CHRD: variants seen among roughly 807,000 people sequenced by gnomAD.
CHRD encodes chordin.
Under a neutral mutation model 113.7 loss-of-function variants are expected in CHRD, and 69 were observed. The observed-to-expected ratio is 0.61, with a 90% CI of 0.50 to 0.74. The LOEUF (loss-of-function observed/expected upper bound fraction) is 0.74. Ranked by LOEUF, CHRD falls within the 30% of genes least tolerant of loss-of-function variation. The probability of loss-of-function intolerance (pLI) is 0.00; values close to 1 mark genes in which losing one functional copy is unlikely to be tolerated. For synonymous variants in CHRD, 561 were observed against 540.8 expected (o/e 1.04, Z -0.52); for missense variants, 1,194 against 1,295.8 (o/e 0.92, Z 1.21).
At chr3:184,383,745 G>T in intron 12 of CHRD, 103 bp downstream of exon 12, 7 of 1,074,388 alleles carry the variant, frequency 6.5e-6, no homozygotes, top group Non-Finnish European at 9.2e-6. Context: ...TCACTCATGG[G>T]TTCTCCCACT....
At chr3:184,382,068 C>T (rs765344648) in intron 6 of CHRD, 48 bp downstream of exon 6, 29 of 1,603,738 alleles carry the variant, frequency 1.8e-5, no homozygotes, top group Middle Eastern at 2.0e-4. Flanking sequence ...GGCACTGTGC[C>T]GAGAGCATGC....
At position 184,387,011 on chromosome 3, in the gene CHRD, G is replaced by A; in HGVS notation, c.2291-40G>A. ...CAGGTCCTTTGGGGAGGGAATGAGG[G>A]TGGTCACTCTCTGCTTTCACCATTT... On this transcript the variant is annotated intron_variant, in intron 17 of 22. Transcript: ENST00000204604. The surrounding 1 kb of genome is among the most constrained non-coding windows in gnomAD (Gnocchi z 6.1). The A allele has an allele frequency of 6.2e-7, 1 of 1,613,874 alleles. No homozygotes were observed. The highest frequency in any genetic ancestry group is 8.5e-7 in the Non-Finnish European group (1 of 1,179,734).
rs770243342 is a variant in CHRD, at chr3:184,384,602, C to T, written c.1506C>T (p.Phe502=). The change falls in exon 13 of 23, where the codon TTC becomes TTT. Residue 502 remains phenylalanine (F), a synonymous_variant. Transcript: ENST00000204604. This position sits in a 1 kb window ranked among gnomAD's most constrained non-coding sequence, Gnocchi z 4.4. ...ATATGCTGCTGCAGAATGAGCTCTTCCTGAACGTGGGCACCAAGGACTTCC... is the reference window on the plus strand; with the variant it reads ...ATATGCTGCTGCAGAATGAGCTCTTTCTGAACGTGGGCACCAAGGACTTCC... 1 of 1,609,634 alleles carries T rather than the reference C, an allele frequency of 6.2e-7. No homozygotes were observed. Among genetic ancestry groups the T allele is most frequent in the Non-Finnish European group, 8.5e-7 (1 of 1,177,948 alleles).
At chr3:184,389,504 C>T in exon 23 of CHRD, 3 of 1,300,864 alleles carry the variant, frequency 2.3e-6, no homozygotes, top group Admixed American at 1.9e-5. Flanking sequence ...CTTGCATTCT[C>T]CTGTGGGAAG....
Position 184,388,081 on chromosome 3 carries a change from G to A in CHRD, c.2554+48G>A. On this transcript the variant is annotated intron_variant, in intron 20 of 22. Transcript: ENST00000204604. This position sits in a 1 kb window ranked among gnomAD's most constrained non-coding sequence, Gnocchi z 6.1. ...GAGGCCTCACCTTTGGGTTGAGGCA[G>A]GCTTTGTCCTGGGTGAGGGGAAGGG... 1 of 1,536,482 alleles carries A rather than the reference G, an allele frequency of 6.5e-7. No individual in the cohort carries two copies. Among genetic ancestry groups the A allele is most frequent in the Non-Finnish European group, 8.9e-7 (1 of 1,117,670 alleles).
chr3:184,381,616 G>C lies in CHRD; in HGVS notation c.503G>C (p.Gly168Ala), dbSNP rs766825882. 2.5e-6 allele frequency: 4 copies of C among 1,605,970 alleles called. No individual in the cohort carries two copies. The highest frequency in any genetic ancestry group is 3.4e-6 in the Non-Finnish European group (4 of 1,176,034). ...GCTGAGGAGCGGGCCCGTGGTGACGGCCACACGGGTAGGGGGCTGGCGAAC... is the reference window on the plus strand; with the variant it reads ...GCTGAGGAGCGGGCCCGTGGTGACGCCCACACGGGTAGGGGGCTGGCGAAC... The change falls in exon 4 of 23, where the codon GGC (glycine) becomes GCC (alanine). Residue 168 changes from glycine (G) to alanine (A), a missense_variant. By Grantham distance (60) the Gly-to-Ala change is moderately conservative (BLOSUM62 0). Coordinates refer to ENST00000204604, the Ensembl canonical transcript of CHRD. The surrounding 1 kb of genome is among the most constrained non-coding windows in gnomAD (Gnocchi z 4.7).
exon 11 of CHRD, chr3:184,383,398 A>G: frequency 6.2e-7 from 1 of 1,614,018 alleles, no homozygotes; most frequent in Non-Finnish European, 8.5e-7. Flanking sequence ...GCTGCTAGGA[A>G]ATGGCTCCCT....
chr3:184,386,439 G>T (rs1372352819), intron 15 of CHRD, 53 bp from the exon 16 acceptor site: 7 of 1,525,836 alleles, frequency 4.6e-6, no homozygotes, highest in South Asian at 3.7e-5. Flanking sequence ...GCTGCCGCTG[G>T]TAAAGACGCG....
rs1287471505 is a variant in CHRD, at chr3:184,388,347, C to A, written c.2555-240C>A. ...CCCATTGATGCATCCATCCATGCAT[C>A]CATCCATCCCTCCATCCATCCACCC... On this transcript the variant is annotated intron_variant, in intron 20 of 22. Transcript: ENST00000204604. The surrounding 1 kb of genome is among the most constrained non-coding windows in gnomAD (Gnocchi z 6.1). 6.6e-6 allele frequency among the ~76,000 whole-genome samples: 1 copy of A among 151,556 alleles called. No individual in the cohort carries two copies. The highest frequency in any genetic ancestry group is 1.5e-5 in the Non-Finnish European group (1 of 67,904).
At chr3:184,383,633 A>G (rs143788428) in exon 12 of CHRD, 1 of 1,609,600 alleles carries the variant, frequency 6.2e-7, no homozygotes, top group African/African-American at 1.3e-5. Flanking sequence ...TCCAGCCAGG[A>G]GGACACACGG....
At chr3:184,389,543 T>C in exon 23 of CHRD, 1 of 840,194 alleles carries the variant, frequency 1.2e-6, no homozygotes, top group Non-Finnish European at 1.9e-6. Context: ...CTGTCCTGCC[T>C]CTACTCCCAC....
chr3:184,380,314 G>A lies in CHRD; in HGVS notation c.-5G>A. 3 of 1,301,354 alleles carry A rather than the reference G, an allele frequency of 2.3e-6. No homozygotes were observed. Among genetic ancestry groups the A allele is most frequent in the East Asian group, 3.9e-5 (1 of 25,348 alleles). The allele number at this position is 1,301,354 out of a possible 1,614,324, so 80.6% of individuals were successfully genotyped here. A position where few individuals can be genotyped will look rare whatever the true frequency, so the allele number is the denominator to read the frequency against. ...TCCCTCCTCCCCAGCTGTCCCGTTCGCGTCATGCCGAGCCTCCCGGCCCCG... is the reference window on the plus strand; with the variant it reads ...TCCCTCCTCCCCAGCTGTCCCGTTCACGTCATGCCGAGCCTCCCGGCCCCG... On this transcript the variant is annotated 5_prime_UTR_variant, in exon 1 of 23. Transcript: ENST00000204604. The surrounding 1 kb of genome is among the most constrained non-coding windows in gnomAD (Gnocchi z 6.3).
Position 184,383,662 on chromosome 3 carries a change from C to T in CHRD, c.1440+20C>T. The stretch of plus-strand genomic sequence containing the variant: ...CACACGGTGAGGGCTCCAGGTGGAG[C>T]TGGACCCCAGGGCCCAATGCATGGG... On this transcript the variant is annotated intron_variant, in intron 12 of 22. Coordinates refer to ENST00000204604, the Ensembl canonical transcript of CHRD. 1 of 1,592,130 alleles carries T rather than the reference C, an allele frequency of 6.3e-7. No individual in the cohort carries two copies. Among genetic ancestry groups the T allele is most frequent in the Non-Finnish European group, 8.6e-7 (1 of 1,168,310 alleles).
chr3:184,381,306 C>T lies in CHRD; in HGVS notation c.324C>T (p.Thr108=), dbSNP rs1307833632. ...AGAACATCAAACCAGAGTGCCCAAC[C>T]CCGGCCTGTGGGCAGCCGCGCCAGC... Residue 108 remains threonine, a synonymous_variant, in exon 3 of 23, where the codon ACC becomes ACT. Coordinates refer to ENST00000204604, the Ensembl canonical transcript of CHRD. This position sits in a 1 kb window ranked among gnomAD's most constrained non-coding sequence, Gnocchi z 4.7. 6.2e-7 allele frequency: 1 copy of T among 1,611,198 alleles called. No individual in the cohort carries two copies. Among genetic ancestry groups the T allele is most frequent in the Non-Finnish European group, 8.5e-7 (1 of 1,179,214 alleles).
exon 15 of CHRD, chr3:184,386,155 G>C (rs1399474409): frequency 6.2e-7 from 1 of 1,614,144 alleles, no homozygotes; most frequent in Non-Finnish European, 8.5e-7. Context: ...GAGCTCCGAG[G>C]GCAGGTAGGT....
chr3:184,388,649 C>T lies in CHRD; in HGVS notation c.2617C>T (p.Arg873Cys), dbSNP rs1229778326. 10 of 1,613,768 alleles carry T rather than the reference C, an allele frequency of 6.2e-6. No homozygotes were observed. Among genetic ancestry groups the T allele is most frequent in the South Asian group, 3.3e-5 (3 of 91,084 alleles). The change falls in exon 21 of 23, where the codon CGT becomes TGT. Residue 873 changes from arginine to cysteine, a missense_variant. Physicochemically the swap from Arg to Cys is radical, Grantham distance 180 (BLOSUM62 -3). Coordinates refer to ENST00000204604, the Ensembl canonical transcript of CHRD. This position sits in a 1 kb window ranked among gnomAD's most constrained non-coding sequence, Gnocchi z 6.1. ...GCAGGCTGATGGGCCCCGGGGCTGC[C>T]GTTTTGCTGGGCAGTGGTTCCCAGA...
Position 184,380,749 on chromosome 3 carries a change from G to A in CHRD, c.206G>A (p.Gly69Glu). Reference sequence around the variant, plus strand: ...GACGAGACGTGGCACCCGGACCTAGGGGAGCCATTCGGGGTGATGCGCTGC... The same window carrying A: ...GACGAGACGTGGCACCCGGACCTAGAGGAGCCATTCGGGGTGATGCGCTGC... Residue 69 changes from glycine (G) to glutamate (E), a missense_variant, in exon 2 of 23, where the codon GGG (glycine) becomes GAG (glutamate). Physicochemically the swap from Gly to Glu is moderately conservative, Grantham distance 98. Coordinates refer to ENST00000204604, the Ensembl canonical transcript of CHRD. The surrounding 1 kb of genome is among the most constrained non-coding windows in gnomAD (Gnocchi z 6.3). 6.2e-7 allele frequency: 1 copy of A among 1,600,538 alleles called. No individual in the cohort carries two copies. Among genetic ancestry groups the A allele is most frequent in the Non-Finnish European group, 8.5e-7 (1 of 1,177,324 alleles).
chr3:184,380,793 G>A lies in CHRD; in HGVS notation c.250G>A (p.Ala84Thr). ...GCGCTGCGTGCTGTGCGCCTGCGAG[G>A]CGGTGAGTGCACCCCGCGGCCGGCC... The change falls in exon 2 of 23, where the codon GCG (alanine) becomes ACG (threonine). Residue 84 changes from alanine to threonine, a missense_variant and splice_region_variant. Physicochemically the swap from Ala to Thr is moderately conservative, Grantham distance 58. Coordinates refer to ENST00000204604, the Ensembl canonical transcript of CHRD. The surrounding 1 kb of genome is among the most constrained non-coding windows in gnomAD (Gnocchi z 6.3). 1.3e-6 allele frequency: 2 copies of A among 1,590,944 alleles called. No homozygotes were observed. The highest frequency in any genetic ancestry group is 1.7e-6 in the Non-Finnish European group (2 of 1,174,310).
chr3:184,388,078 G>A lies in CHRD; in HGVS notation c.2554+45G>A, dbSNP rs1379373675. 2 of 1,555,620 alleles carry A rather than the reference G, an allele frequency of 1.3e-6. No homozygotes were observed. The highest frequency in any genetic ancestry group is 1.8e-6 in the Non-Finnish European group (2 of 1,134,520). On this transcript the variant is annotated intron_variant, in intron 20 of 22. Coordinates refer to ENST00000204604, the Ensembl canonical transcript of CHRD. The surrounding 1 kb of genome is among the most constrained non-coding windows in gnomAD (Gnocchi z 6.1). ...ACTGAGGCCTCACCTTTGGGTTGAG[G>A]CAGGCTTTGTCCTGGGTGAGGGGAA...
Sources: gnomAD v4.1 joint callset for allele counts (sites outside exome capture counted in the v4.1 genomes callset) on GRCh38, gnomAD v4.1.1 for gene constraint, Gnocchi (gnomAD v3.1) non-coding constraint, MANE v1.5 for transcripts, NCBI Gene and HGNC (gene_info 2026-07-23, HGNC 2026-07-21) for gene names.